Variants in ATP10D observed in about 807,000 individuals in gnomAD.
ATP10D encodes the protein ATPase phospholipid transporting 10D (putative).
ATP10D carries 89 observed loss-of-function variants against 144.8 expected under a neutral mutation model. The observed-to-expected ratio is 0.61, with a 90% confidence interval of 0.52 to 0.73. ATP10D has a LOEUF of 0.73. Among genes scored for constraint, ATP10D ranks in the 30% least tolerant of loss-of-function variants. The pLI is 0.00. For missense variants in ATP10D, 1,603 were observed against 1,714.8 expected (o/e 0.93, Z 1.15); for synonymous variants, 571 against 615.1 (o/e 0.93, Z 1.06).
chr4:47,565,634 C>T (rs1353856940), intron 15 of ATP10D, among the ~76,000 whole-genome samples: 2 of 151,800 alleles, frequency 1.3e-5, no homozygotes, highest in Non-Finnish European at 2.9e-5. Flanking sequence ...TTGTTTAATG[C>T]GGTGCCTATC....
chr4:47,523,931 GT>G (rs1232845238), intron 4 of ATP10D, among the ~76,000 whole-genome samples: 3 of 152,096 alleles, frequency 2.0e-5, no homozygotes. Context: ...GATTTTTGTT[GT>G]TGTTGTTGTT....
rs776108696 is a variant in ATP10D at position 47,525,658 on chromosome 4, T to C, written c.776+16T>C. The C allele has an allele frequency of 1.3e-6, 2 of 1,574,848 alleles. No homozygotes were observed. Among genetic ancestry groups the C allele is most frequent in the African/African-American group, 2.7e-5 (2 of 74,108 alleles). On this transcript the variant is annotated intron_variant, in intron 5 of 22. Coordinates refer to ENST00000273859, the MANE Select transcript of ATP10D (RefSeq NM_020453.4). ...GAGGCTTCCTGTGAGTAATACATGA[T>C]GAACATTTGTGGGTGTAAGTGGAAT...
In ATP10D at chr4:47,591,056, T is replaced by C; in HGVS notation, c.3956T>C (p.Val1319Ala). Reference protein sequence around the residue: ...IALLPRFVYRVLQGSLFPSPI... With the variant: ...IALLPRFVYRALQGSLFPSPI... ...TTGTCACCTAGGTTTGTATACAGAG[T>C]TCTTCAGGGATCCCTGTTTCCATCT... The change falls in exon 23 of 23, where the codon GTT becomes GCT. Residue 1319 changes from valine to alanine, a missense_variant. Coordinates refer to ENST00000273859, the MANE Select transcript of ATP10D (RefSeq NM_020453.4). The C allele has an allele frequency of 6.2e-7, 1 of 1,606,584 alleles. No individual in the cohort carries two copies. Among genetic ancestry groups the C allele is most frequent in the South Asian group, 1.1e-5 (1 of 90,138 alleles).
At position 47,543,100 on chromosome 4, in the gene ATP10D, A is replaced by T. The variant is rs146491292; in HGVS notation, c.1397-3524A>T. Among the ~76,000 whole-genome samples the T allele has an allele frequency of 3.7e-3, 563 of 152,268 alleles. 3 individuals are homozygous for T. Among genetic ancestry groups the T allele is most frequent in the African/African-American group, 0.013 (530 of 41,550 alleles). On this transcript the variant is annotated intron_variant, in intron 9 of 22. Coordinates refer to ENST00000273859, the MANE Select transcript of ATP10D (RefSeq NM_020453.4). Reference sequence around the variant, plus strand: ...GATATTTTGAGAGAGAAAAAGAGAGATCACATTCACATAAGTTTTACTACA... The same window carrying T: ...GATATTTTGAGAGAGAAAAAGAGAGTTCACATTCACATAAGTTTTACTACA...
intron 1 of ATP10D, among the ~76,000 whole-genome samples, chr4:47,487,966 T>C (rs190218587): frequency 2.3e-4 from 35 of 152,240 alleles, no homozygotes; most frequent in Non-Finnish European, 4.0e-4. Context: ...CCCATTTTGC[T>C]CCCATCTCTA....
chr4:47,563,809 G>A (rs760957068), intron 15 of ATP10D, 44 bp downstream of exon 15: 1 of 1,448,604 alleles, frequency 6.9e-7, no homozygotes, highest in Non-Finnish European at 9.2e-7. Context: ...ATTTTCAAAG[G>A]CATTGGAACA....
intron 9 of ATP10D, among the ~76,000 whole-genome samples, chr4:47,546,244 G>A (rs923762884): frequency 2.0e-5 from 3 of 152,146 alleles, no homozygotes; most frequent in Non-Finnish European, 4.4e-5. Context: ...AGAAAGATTG[G>A]TGTCAGTGAA....
chr4:47,517,087 T>A (rs1275877823), intron 3 of ATP10D, among the ~76,000 whole-genome samples: 7 of 152,312 alleles, frequency 4.6e-5, no homozygotes, highest in Non-Finnish European at 8.8e-5. Flanking sequence ...AGAATGCTTA[T>A]TATATATATT....
At chr4:47,494,291 T>C (rs1290626718) in intron 1 of ATP10D, among the ~76,000 whole-genome samples, 1 of 152,152 alleles carries the variant, frequency 6.6e-6, no homozygotes, top group Non-Finnish European at 1.5e-5. Context: ...GTGAATCTTA[T>C]GACTTTCAGT....
Position 47,572,105 on chromosome 4 carries a change from C to T in ATP10D, c.3164-49C>T, listed in dbSNP as rs35459562. 3,776 of 1,552,128 alleles carry T rather than the reference C, an allele frequency of 2.4e-3. 4 individuals are homozygous for T. Among genetic ancestry groups the T allele is most frequent in the Non-Finnish European group, 3.0e-3 (3,378 of 1,124,480 alleles). ...CCTATTGATTTGCAACATTTACACC[C>T]TTTCTTTACTCCTCATATGTTTCTC... On this transcript the variant is annotated intron_variant, in intron 16 of 22. Coordinates refer to ENST00000273859, the MANE Select transcript of ATP10D (RefSeq NM_020453.4).
At chr4:47,555,729 A>G (rs1163077817) in intron 11 of ATP10D, among the ~76,000 whole-genome samples, 3 of 152,098 alleles carry the variant, frequency 2.0e-5, no homozygotes, top group Non-Finnish European at 4.4e-5. Flanking sequence ...ATTGGATTCA[A>G]TATCATGTTT....
At chr4:47,493,407 AGTATAGT>A (rs1201615956) in intron 1 of ATP10D, among the ~76,000 whole-genome samples, 1 of 152,228 alleles carries the variant, frequency 6.6e-6, no homozygotes, top group African/African-American at 2.4e-5. Context: ...TTTCGCTTCC[AGTATAGT>A]GTTCGATAAA....
intron 18 of ATP10D, among the ~76,000 whole-genome samples, chr4:47,575,965 T>G (rs1212341808): frequency 7.7e-6 from 1 of 129,638 alleles, no homozygotes; most frequent in African/African-American, 3.0e-5. Context: ...GGAGTCTCGC[T>G]CTGTCGCCCA....
chr4:47,560,517 CAAA>C (rs1007699335), intron 13 of ATP10D, among the ~76,000 whole-genome samples: 1 of 151,834 alleles, frequency 6.6e-6, no homozygotes, highest in African/African-American at 2.4e-5. Context: ...AACAAACAAA[CAAA>C]AAAAACATCA....
At chr4:47,517,538 G>T (rs1475210521) in intron 3 of ATP10D, among the ~76,000 whole-genome samples, 1 of 152,104 alleles carries the variant, frequency 6.6e-6, no homozygotes, top group Non-Finnish European at 1.5e-5. Flanking sequence ...GCAACCTTGG[G>T]CAATTTACAA....
chr4:47,585,632 C>G (rs1233207464), intron 21 of ATP10D, among the ~76,000 whole-genome samples: 1 of 152,118 alleles, frequency 6.6e-6, no homozygotes, highest in East Asian at 1.9e-4. Flanking sequence ...TCCCCACCTC[C>G]CCTGATACCT....
chr4:47,540,335 A>G (rs75991008), intron 9 of ATP10D, among the ~76,000 whole-genome samples: 2,676 of 152,290 alleles, frequency 0.018, 69 homozygotes, highest in African/African-American at 0.061. Flanking sequence ...ACACCATTGT[A>G]TATTTTAAAA....
At chr4:47,525,937 C>G (rs1223436897) in intron 5 of ATP10D, among the ~76,000 whole-genome samples, 1 of 152,226 alleles carries the variant, frequency 6.6e-6, no homozygotes, top group African/African-American at 2.4e-5. Flanking sequence ...CATGAATGCT[C>G]TATGGCCTTG....
intron 13 of ATP10D, 149 bp downstream of exon 13, chr4:47,559,178 A>G: frequency 1.7e-6 from 1 of 598,516 alleles, no homozygotes; most frequent in East Asian, 3.0e-5. Flanking sequence ...TATTCCATAT[A>G]TTGGTTGGTT....
Sources: gnomAD v4.1 joint callset for allele counts (sites outside exome capture counted in the v4.1 genomes callset) on GRCh38, gnomAD v4.1.1 for gene constraint, MANE v1.5 for transcripts, NCBI Gene and HGNC (gene_info 2026-07-23, HGNC 2026-07-21) for gene names.